The following TCERG1L variants were observed in gnomAD, a reference collection of about 807,000 sequenced individuals.
TCERG1L encodes transcription elongation regulator 1 like.
TCERG1L carries 37 observed loss-of-function variants against 56.3 expected under a neutral mutation model. That is an observed-to-expected ratio of 0.66 (90% CI 0.51 to 0.87). The LOEUF is 0.87. TCERG1L is among the 40% of genes least tolerant of loss of function. The pLI, the probability that TCERG1L is intolerant of heterozygous loss-of-function variation, is 0.00. For missense variants in TCERG1L, 799 were observed against 774.2 expected, an observed-to-expected ratio of 1.03 and a Z score of -0.38; for synonymous variants, 324 against 326.3, an observed-to-expected ratio of 0.99 and a Z score of 0.08.
chr10:131,133,588 T>A (rs568605576), intron 8 of TCERG1L, among the ~76,000 whole-genome samples: 1 of 152,214 alleles, frequency 6.6e-6, no homozygotes, highest in South Asian at 2.1e-4. Context: ...CTCCCCACCC[T>A]TCTCTACCAA....
Position 131,146,379 on chromosome 10 carries a change from G to A in TCERG1L, c.1189+127C>T, listed in dbSNP as rs965747530. On this transcript the variant is annotated intron_variant, in intron 7 of 11. Coordinates refer to ENST00000368642, the MANE Select transcript of TCERG1L (RefSeq NM_174937.4). Reference sequence around the variant, plus strand: ...ACTTGATTACTAAACTCTGCAATCGGGCACAGGATTCCTTAATAGTCAATT... The same window carrying A: ...ACTTGATTACTAAACTCTGCAATCGAGCACAGGATTCCTTAATAGTCAATT... 1.5e-5 allele frequency: 16 copies of A among 1,085,964 alleles called. No individual in the cohort carries two copies. In the African/African-American group the frequency reaches 1.6e-4, roughly 11 times the overall value. 67.3% of individuals were successfully genotyped at this position (1,085,964 alleles called of 1,614,324 possible).
In TCERG1L at chr10:131,302,852, C is replaced by A. The variant is rs187183580; in HGVS notation, c.670+5359G>T. 7.8e-3 allele frequency among the ~76,000 whole-genome samples: 1,178 copies of A among 151,946 alleles called. 27 individuals carry two copies. Among genetic ancestry groups the A allele is most frequent in the African/African-American group, 0.027 (1,101 of 41,298 alleles). On this transcript the variant is annotated intron_variant, in intron 3 of 11. Transcript: ENST00000368642. ...TCCATGTGTTCTCATTGTTCAATGA[C>A]CACTTATGAGTGAGAACATGTGGTT...
At chr10:131,199,957 T>C (rs2944475) in intron 4 of TCERG1L, among the ~76,000 whole-genome samples, 90,569 of 152,052 alleles carry the variant, frequency 0.6, 29,250 homozygotes, top group Non-Finnish European at 0.73. Flanking sequence ...ACCTGCTGTG[T>C]CTCAGCTTCT....
At chr10:131,189,140 T>C (rs1405630496) in intron 4 of TCERG1L, among the ~76,000 whole-genome samples, 1 of 152,236 alleles carries the variant, frequency 6.6e-6, no homozygotes, top group Non-Finnish European at 1.5e-5. Context: ...TACAGATTGT[T>C]GTAAAAGAAA....
intron 4 of TCERG1L, among the ~76,000 whole-genome samples, chr10:131,183,031 A>G (rs1845197998): frequency 6.6e-6 from 1 of 152,128 alleles, no homozygotes; most frequent in Non-Finnish European, 1.5e-5. Flanking sequence ...GCACAATCCA[A>G]TTTGGGTTGG....
chr10:131,156,269 A>C (rs529046799), intron 6 of TCERG1L: 10 of 152,214 alleles, frequency 6.6e-5, no homozygotes, highest in South Asian at 4.1e-4. Context: ...TAGTTTTTCA[A>C]AAGTCAAACA....
At chr10:131,201,766 C>T (rs937812448) in intron 4 of TCERG1L, among the ~76,000 whole-genome samples, 13 of 152,264 alleles carry the variant, frequency 8.5e-5, no homozygotes, top group East Asian at 5.8e-4. Flanking sequence ...TCCTTCTCTG[C>T]GGGACTGTAA....
intron 7 of TCERG1L, among the ~76,000 whole-genome samples, chr10:131,139,674 ATATG>A (rs1417478382): frequency 1.5e-5 from 2 of 136,348 alleles, no homozygotes; most frequent in Admixed American, 1.5e-4. Context: ...AAGGCTATGC[ATATG>A]TGTGTGTGTG....
chr10:131,132,375 T>C (rs1220288187), intron 8 of TCERG1L, among the ~76,000 whole-genome samples: 2 of 152,220 alleles, frequency 1.3e-5, no homozygotes, highest in Non-Finnish European at 2.9e-5. Context: ...GTTTCAAAGT[T>C]GGTTTTCAGT....
chr10:131,159,925 T>A (rs931326211), intron 6 of TCERG1L, among the ~76,000 whole-genome samples: 2 of 152,160 alleles, frequency 1.3e-5, no homozygotes, highest in African/African-American at 4.8e-5. Flanking sequence ...AAACCCACCC[T>A]CTGAGGTCTG....
intron 4 of TCERG1L, among the ~76,000 whole-genome samples, chr10:131,195,710 G>A (rs1845353268): frequency 6.6e-6 from 1 of 152,226 alleles, no homozygotes; most frequent in Admixed American, 6.5e-5. Flanking sequence ...CCCTCGGCCT[G>A]CTGTGTCCCA....
At chr10:131,154,568 C>T (rs1845899631) in intron 6 of TCERG1L, among the ~76,000 whole-genome samples, 2 of 152,220 alleles carry the variant, frequency 1.3e-5, no homozygotes, top group African/African-American at 4.8e-5. Context: ...CCTGGTCCTC[C>T]CCACCTTTTC....
At chr10:131,176,418 C>G (rs1846150686) in intron 4 of TCERG1L, among the ~76,000 whole-genome samples, 1 of 71,250 alleles carries the variant, frequency 1.4e-5, no homozygotes, top group Non-Finnish European at 2.9e-5. Flanking sequence ...GCACATACAC[C>G]AAGACACATG....
chr10:131,202,839 A>T (rs1168659527), intron 4 of TCERG1L, among the ~76,000 whole-genome samples: 4 of 152,232 alleles, frequency 2.6e-5, no homozygotes, highest in African/African-American at 9.6e-5. Context: ...TTCCATTTTT[A>T]AAATAAAATA....
At chr10:131,245,022 G>C (rs879380437) in intron 4 of TCERG1L, among the ~76,000 whole-genome samples, 7 of 152,172 alleles carry the variant, frequency 4.6e-5, no homozygotes, top group Non-Finnish European at 8.8e-5. Context: ...ACAGGGGAGT[G>C]GGGGAGCCCC....
At chr10:131,216,478 C>G (rs902244001) in intron 4 of TCERG1L, among the ~76,000 whole-genome samples, 8 of 152,130 alleles carry the variant, frequency 5.3e-5, no homozygotes, top group African/African-American at 1.7e-4. Context: ...TGGGGATAGA[C>G]CTGCTTTGGA....
chr10:131,110,199 G>T (rs1845396992), intron 9 of TCERG1L, among the ~76,000 whole-genome samples: 1 of 152,168 alleles, frequency 6.6e-6, no homozygotes, highest in Non-Finnish European at 1.5e-5. Context: ...ACCCAAAAGT[G>T]TTTTCCAGAT....
At chr10:131,143,897 T>C (rs11017747) in intron 7 of TCERG1L, among the ~76,000 whole-genome samples, 7,727 of 152,286 alleles carry the variant, frequency 0.051, 290 homozygotes, top group South Asian at 0.22. Flanking sequence ...TTCAAGACTT[T>C]GCTGGAATCC....
rs561945111 is a variant in TCERG1L, at chr10:131,140,041, C to T, written c.1190-5593G>A. On this transcript the variant is annotated intron_variant, in intron 7 of 11. Coordinates refer to ENST00000368642, the MANE Select transcript of TCERG1L (RefSeq NM_174937.4). ...TCTTCTTAGAGAGGGTAGGCACAAC[C>T]TTTGGTAAAACTTACTATGGAATCA... is the stretch of plus-strand genomic sequence containing the variant. Among the ~76,000 whole-genome samples, 13 of 152,228 alleles carry T rather than the reference C, an allele frequency of 8.5e-5. No individual in the cohort carries two copies. The South Asian group carries it at 2.7e-3, about 32-fold the overall frequency.
Sources: allele counts gnomAD v4.1 joint callset (sites outside exome capture counted in the v4.1 genomes callset), GRCh38; gene constraint gnomAD v4.1.1; transcripts MANE v1.5; gene names NCBI Gene and HGNC (gene_info 2026-07-23, HGNC 2026-07-21).